Variants in MEI1 observed in about 807,000 individuals in gnomAD.
MEI1 encodes meiotic double-stranded break formation protein 1, also known as meiosis inhibitor protein 1.
Under a neutral mutation model 146.2 loss-of-function variants are expected in MEI1, and 103 were observed. That is an observed-to-expected ratio of 0.70 (90% CI 0.60 to 0.83). The LOEUF (loss-of-function observed/expected upper bound fraction) is 0.83. MEI1 is among the 40% of genes least tolerant of loss of function. The pLI, the probability that MEI1 is intolerant of heterozygous loss-of-function variation, is 0.00. For missense variants in MEI1, 1,529 were observed against 1,533.0 expected (o/e 1.00, Z 0.04); for synonymous variants, 652 against 628.2 (o/e 1.04, Z -0.57).
At chr22:41,737,118 T>G (rs2147665495) in intron 11 of MEI1, among the ~76,000 whole-genome samples, 1 of 152,350 alleles carries the variant, frequency 6.6e-6, no homozygotes, top group South Asian at 2.1e-4. Flanking sequence ...AAAATAATAT[T>G]CCCTTAAATC....
chr22:41,725,632 C>T (rs943745116), intron 7 of MEI1, among the ~76,000 whole-genome samples: 3 of 152,232 alleles, frequency 2.0e-5, no homozygotes, highest in Admixed American at 6.5e-5. Flanking sequence ...CCTGGTCCTG[C>T]ATATGCTAGG....
rs58572782 is a variant in MEI1, at chr22:41,721,719, C to CTTT, written c.734-2206_734-2204dup. On this transcript the variant is annotated intron_variant, in intron 6 of 30. Transcript: ENST00000401548. Reference sequence around the variant, plus strand: ...GAATTCCCGTTTTTAAATGCTACCCCTTTTTTTTTTTTTTTTTTTTGAGAT... The same window carrying CTTT: ...GAATTCCCGTTTTTAAATGCTACCCCTTTTTTTTTTTTTTTTTTTTTTTGAGAT... 7.3e-3 allele frequency among the ~76,000 whole-genome samples: 751 copies of CTTT among 102,184 alleles called. 52 individuals are homozygous for CTTT. Among genetic ancestry groups the CTTT allele is most frequent in the African/African-American group, 0.026 (621 of 24,216 alleles). The allele number at this position is 102,184 out of a possible 152,430, so 67.0% of individuals were successfully genotyped here.
intron 11 of MEI1, among the ~76,000 whole-genome samples, chr22:41,737,732 C>G (rs1224707447): frequency 6.6e-6 from 1 of 152,002 alleles, no homozygotes; most frequent in Non-Finnish European, 1.5e-5. Flanking sequence ...TACCCCGCCT[C>G]CCCCCACTAA....
chr22:41,727,559 A>G lies in MEI1; in HGVS notation c.865-2106A>G, dbSNP rs112295868. Among the ~76,000 whole-genome samples the G allele has an allele frequency of 9.5e-4, 145 of 152,152 alleles. 1 individual carries two copies. The highest frequency in any genetic ancestry group is 3.7e-3 in the East Asian group (19 of 5,158). On this transcript the variant is annotated intron_variant, in intron 7 of 30. Coordinates refer to ENST00000401548, the MANE Select transcript of MEI1 (RefSeq NM_152513.4). ...CCTGAGTTTGTGCCTTAGCTTTGCC[A>G]CTTATCAGCTGTGTAGCCTAGAGTA...
chr22:41,734,285 C>G (rs561045918), intron 11 of MEI1, among the ~76,000 whole-genome samples: 20 of 151,754 alleles, frequency 1.3e-4, no homozygotes, highest in Admixed American at 9.2e-4. Flanking sequence ...TACTGAGGGA[C>G]GACTATGCAA....
chr22:41,738,822 G>T (rs1479353016), intron 11 of MEI1, among the ~76,000 whole-genome samples: 4 of 121,744 alleles, frequency 3.3e-5, no homozygotes, highest in African/African-American at 9.6e-5. Context: ...AATAAAATTA[G>T]CTGGGTGTGG....
chr22:41,727,283 T>C (rs1569190662), intron 7 of MEI1, among the ~76,000 whole-genome samples: 1 of 152,186 alleles, frequency 6.6e-6, no homozygotes, highest in Non-Finnish European at 1.5e-5. Context: ...ATATTCTGTT[T>C]GGCATTTTTC....
intron 12 of MEI1, among the ~76,000 whole-genome samples, chr22:41,744,125 A>G (rs1319314390): frequency 6.6e-6 from 1 of 151,024 alleles, no homozygotes; most frequent in Non-Finnish European, 1.5e-5. Flanking sequence ...TCGGCCTCCT[A>G]AAGTTCTGGG....
rs1252833268 is a variant in MEI1 at position 41,752,639 on chromosome 22, G to A, written c.1841G>A (p.Cys614Tyr). The A allele has an allele frequency of 2.5e-6, 4 of 1,596,688 alleles. No individual in the cohort carries two copies. The highest frequency in any genetic ancestry group is 3.4e-6 in the Non-Finnish European group (4 of 1,171,734). The change falls in exon 16 of 31, where the codon TGC (cysteine) becomes TAC (tyrosine). Residue 614 changes from cysteine (C) to tyrosine (Y), a missense_variant. This residue lies in a region of MEI1 where 1,212 missense variants were observed against 1,178.9 expected (regional missense o/e 1.03). Transcript: ENST00000401548. Reference protein sequence around the residue: ...RLTLELKARFCSGLSHSALNQ... With the variant: ...RLTLELKARFYSGLSHSALNQ... ...ACCCTGGAGCTGAAGGCCAGGTTTT[G>A]CAGTGGTCTGAGGTATGTGTGGTCC...
chr22:41,798,748 A>G (rs896773301), intron 30 of MEI1, among the ~76,000 whole-genome samples: 15 of 152,004 alleles, frequency 9.9e-5, no homozygotes, highest in Admixed American at 8.5e-4. Context: ...CATGCCTGTA[A>G]TCCAAGCTAC....
At chr22:41,702,680 G>T (rs2068801190) in intron 1 of MEI1, among the ~76,000 whole-genome samples, 1 of 151,940 alleles carries the variant, frequency 6.6e-6, no homozygotes, top group Non-Finnish European at 1.5e-5. Flanking sequence ...CCCAACCTCA[G>T]GTGATCTGCC....
intron 4 of MEI1, among the ~76,000 whole-genome samples, chr22:41,715,588 G>A (rs2070067760): frequency 6.6e-6 from 1 of 151,960 alleles, no homozygotes; most frequent in Admixed American, 6.6e-5. Flanking sequence ...GTAGAGACGG[G>A]GTTTCACTGT....
At chr22:41,753,248 C>T (rs545916398) in intron 16 of MEI1, among the ~76,000 whole-genome samples, 2 of 152,166 alleles carry the variant, frequency 1.3e-5, no homozygotes, top group East Asian at 1.9e-4. Flanking sequence ...GTGATCCGCC[C>T]GCCTTGGCCT....
At chr22:41,771,165 A>G (rs979091173) in intron 20 of MEI1, among the ~76,000 whole-genome samples, 1 of 152,270 alleles carries the variant, frequency 6.6e-6, no homozygotes, top group East Asian at 1.9e-4. Flanking sequence ...TCCTAAGTCT[A>G]ATGGAAGTCT....
intron 24 of MEI1, among the ~76,000 whole-genome samples, chr22:41,782,392 G>A (rs1013759057): frequency 6.6e-6 from 1 of 152,186 alleles, no homozygotes; most frequent in Non-Finnish European, 1.5e-5. Flanking sequence ...GCCACACATG[G>A]TTAACTGTCA....
chr22:41,773,793 T>G (rs952962111), intron 20 of MEI1, among the ~76,000 whole-genome samples: 2 of 152,124 alleles, frequency 1.3e-5, no homozygotes, highest in Admixed American at 6.6e-5. Flanking sequence ...AAGAATCGCT[T>G]GAACCCAGGA....
intron 7 of MEI1, among the ~76,000 whole-genome samples, chr22:41,725,587 C>T (rs1322027231): frequency 1.3e-5 from 2 of 152,208 alleles, no homozygotes; most frequent in African/African-American, 4.8e-5. Flanking sequence ...CTCTTCCACC[C>T]CACAACCCAG....
intron 8 of MEI1, 81 bp downstream of exon 8, chr22:41,729,860 T>C: frequency 1.2e-6 from 1 of 804,014 alleles, no homozygotes; most frequent in Non-Finnish European, 1.9e-6. Context: ...TGACAGACCC[T>C]ATGAACTATG....
intron 24 of MEI1, among the ~76,000 whole-genome samples, chr22:41,783,235 T>C (rs2075828274): frequency 6.6e-6 from 1 of 152,272 alleles, no homozygotes; most frequent in Non-Finnish European, 1.5e-5. Context: ...GTGCAGGTAG[T>C]ACAGAGAGTT....
Sources: allele counts gnomAD v4.1 joint callset (sites outside exome capture counted in the v4.1 genomes callset), GRCh38; gene constraint gnomAD v4.1.1; regional missense constraint gnomAD v4.1.1; transcripts MANE v1.5; gene names NCBI Gene and HGNC (gene_info 2026-07-23, HGNC 2026-07-21).